Variants in IQSEC1 observed in about 807,000 individuals in gnomAD.
The protein encoded by IQSEC1 is IQ motif and Sec7 domain ArfGEF 1.
A neutral mutation model predicts 91.0 loss-of-function variants in IQSEC1; 31 were observed. That is an observed-to-expected ratio of 0.34 (90% confidence interval 0.26 to 0.46). The LOEUF (loss-of-function observed/expected upper bound fraction) is 0.46. Among genes scored for constraint, IQSEC1 ranks in the 20% least tolerant of loss-of-function variants. The pLI, the probability that IQSEC1 is intolerant of heterozygous loss-of-function variation, is 1.00. For synonymous variants in IQSEC1, 699 were observed against 662.6 expected (o/e 1.05, Z -0.84); for missense variants, 1,388 against 1,575.6 (o/e 0.88, Z 2.02).
At chr3:13,053,432 C>T (rs1459366641) in intron 1 of IQSEC1, among the ~76,000 whole-genome samples, 2 of 152,236 alleles carry the variant, frequency 1.3e-5, no homozygotes, top group Admixed American at 6.5e-5. Context: ...GGAAGGAACA[C>T]CTGGATCCAG....
At chr3:13,162,093 C>G (rs979789321) in intron 2 of IQSEC1, among the ~76,000 whole-genome samples, 7 of 152,214 alleles carry the variant, frequency 4.6e-5, no homozygotes, top group African/African-American at 1.7e-4. Flanking sequence ...CAGACCAGAT[C>G]CCCACCACGA....
At chr3:13,083,426 C>A (rs1705681842) in intron 2 of IQSEC1, among the ~76,000 whole-genome samples, 1 of 152,248 alleles carries the variant, frequency 6.6e-6, no homozygotes, top group Non-Finnish European at 1.5e-5. Flanking sequence ...CACTCACCTG[C>A]TGTGTGACCC....
rs1263087181 is a variant in IQSEC1, at chr3:12,956,738, G to A, written c.24-14873C>T. On this transcript the variant is annotated intron_variant, in intron 1 of 13. Transcript: ENST00000613206. ...AGGAATGCCCAATGGCTCCAGAAGCGTCCCTGGGGAGTGTGGGGGGAGCTC... is the reference window on the plus strand; with the variant it reads ...AGGAATGCCCAATGGCTCCAGAAGCATCCCTGGGGAGTGTGGGGGGAGCTC... 9.9e-5 allele frequency among the ~76,000 whole-genome samples: 15 copies of A among 152,178 alleles called. No individual in the cohort carries two copies. The South Asian group carries it at 1.2e-3, about 13-fold the overall frequency.
At chr3:13,155,566 A>G (rs1707073689) in intron 2 of IQSEC1, among the ~76,000 whole-genome samples, 1 of 152,236 alleles carries the variant, frequency 6.6e-6, no homozygotes, top group African/African-American at 2.4e-5. Flanking sequence ...AAATCACAAC[A>G]AACCTTCTCC....
chr3:13,142,469 T>C lies in IQSEC1; in HGVS notation c.302+21635A>G, dbSNP rs560405050. Among the ~76,000 whole-genome samples the C allele has an allele frequency of 2.6e-5, 4 of 152,240 alleles. No homozygotes were observed. In the South Asian group the frequency reaches 8.3e-4, roughly 32 times the overall value. ...CCAAGGATGTTGGATCCCGCACAGG[T>C]GGAGATGGCTTCCCAGCCCCACTGA... On this transcript the variant is annotated intron_variant, in intron 2 of 15. Transcript: ENST00000648114.
intron 1 of IQSEC1, among the ~76,000 whole-genome samples, chr3:12,978,255 G>T (rs1313176015): frequency 6.6e-6 from 1 of 152,194 alleles, no homozygotes; most frequent in East Asian, 1.9e-4. Flanking sequence ...GAGCCCAGTA[G>T]GCTGACACTC....
chr3:12,991,264 G>A (rs1249719579), intron 1 of IQSEC1, among the ~76,000 whole-genome samples: 4 of 152,212 alleles, frequency 2.6e-5, no homozygotes, highest in Non-Finnish European at 5.9e-5. Flanking sequence ...GATGAACGGA[G>A]TTTGCCAGAT....
At chr3:12,920,979 G>C (rs1696578331) in intron 5 of IQSEC1, among the ~76,000 whole-genome samples, 1 of 152,160 alleles carries the variant, frequency 6.6e-6, no homozygotes, top group Non-Finnish European at 1.5e-5. Context: ...CTGCCCTCCG[G>C]GACCTTGAGG....
chr3:12,962,569 C>G (rs996172797), intron 1 of IQSEC1, among the ~76,000 whole-genome samples: 4 of 152,250 alleles, frequency 2.6e-5, no homozygotes, highest in Non-Finnish European at 5.9e-5. Context: ...ACCTGTGTGT[C>G]CTCTAGTGAT....
rs1048264347 is a variant in IQSEC1, at chr3:12,908,239, C to T, written c.2755+110G>A. On this transcript the variant is annotated intron_variant, in intron 12 of 13. Coordinates refer to ENST00000613206, the MANE Select transcript of IQSEC1 (RefSeq NM_001134382.3). The surrounding 1 kb of genome is among the most constrained non-coding windows in gnomAD (Gnocchi z 4.9). ...GCGGAAGGTCAGGGGAAATGCCGCA[C>T]TGGCTTCGCCGCAGGCCCTGCCCCG... 14 of 1,175,620 alleles carry T rather than the reference C, an allele frequency of 1.2e-5. No homozygotes were observed. The Admixed American group carries it at 2.6e-4, about 22-fold the overall frequency. 72.8% of individuals were successfully genotyped at this position (1,175,620 alleles called of 1,614,324 possible).
intron 1 of IQSEC1, among the ~76,000 whole-genome samples, chr3:13,069,075 G>A (rs438461): frequency 0.6 from 90,789 of 152,138 alleles, 27,651 homozygotes; most frequent in Middle Eastern, 0.76. Flanking sequence ...GACCTGCCCA[G>A]TGGCTTCCTG....
chr3:12,905,781 C>A (rs1341866608), intron 12 of IQSEC1, among the ~76,000 whole-genome samples: 3 of 152,268 alleles, frequency 2.0e-5, no homozygotes, highest in Non-Finnish European at 4.4e-5. Context: ...CAGGTCCTCT[C>A]CGTAAGGACT....
At chr3:12,947,827 C>T (rs1308098346) in intron 1 of IQSEC1, among the ~76,000 whole-genome samples, 2 of 152,260 alleles carry the variant, frequency 1.3e-5, no homozygotes, top group Non-Finnish European at 2.9e-5. Flanking sequence ...TCGCCAAGCT[C>T]TTCCCCCTTC....
intron 1 of IQSEC1, among the ~76,000 whole-genome samples, chr3:13,239,587 G>A (rs904982650): frequency 6.6e-6 from 1 of 152,370 alleles, no homozygotes; most frequent in Middle Eastern, 3.4e-3. Flanking sequence ...CGCCCCTTGG[G>A]ACGCAGCAAG....
chr3:13,264,730 C>T (rs987269610), intron 1 of IQSEC1, among the ~76,000 whole-genome samples: 1 of 151,736 alleles, frequency 6.6e-6, no homozygotes, highest in African/African-American at 2.4e-5. Flanking sequence ...GAGGAGAGGG[C>T]AGGAGGGTCA....
intron 8 of IQSEC1, among the ~76,000 whole-genome samples, chr3:12,913,937 A>G (rs1459382603): frequency 1.3e-5 from 2 of 152,196 alleles, no homozygotes; most frequent in Non-Finnish European, 2.9e-5. Context: ...GGTCATAAAC[A>G]TGAGGCCACT....
chr3:12,930,804 C>T (rs1205038419), intron 3 of IQSEC1, among the ~76,000 whole-genome samples: 1 of 152,150 alleles, frequency 6.6e-6, no homozygotes, highest in African/African-American at 2.4e-5. Context: ...TTGGAGTGCC[C>T]GAGGATCTCC....
intron 2 of IQSEC1, among the ~76,000 whole-genome samples, chr3:13,141,316 G>A (rs888551304): frequency 6.6e-6 from 1 of 152,222 alleles, no homozygotes; most frequent in Non-Finnish European, 1.5e-5. Context: ...AGGCAGCCTC[G>A]ATGTGCACAG....
intron 2 of IQSEC1, among the ~76,000 whole-genome samples, chr3:13,146,141 C>T (rs1229121384): frequency 6.6e-6 from 1 of 151,752 alleles, no homozygotes; most frequent in Non-Finnish European, 1.5e-5. Flanking sequence ...GCATGTACCA[C>T]CACACTCAGC....
Sources: gnomAD v4.1 joint callset for allele counts (sites outside exome capture counted in the v4.1 genomes callset) on GRCh38, gnomAD v4.1.1 for gene constraint, Gnocchi (gnomAD v3.1) non-coding constraint, MANE v1.5 for transcripts, NCBI Gene and HGNC (gene_info 2026-07-23, HGNC 2026-07-21) for gene names.